The following HOOK1 variants were observed in gnomAD, a reference collection of about 807,000 sequenced individuals.
The protein encoded by HOOK1 is hook microtubule tethering protein 1.
A neutral mutation model predicts 112.8 loss-of-function variants in HOOK1; 60 were observed. That is an observed-to-expected ratio of 0.53 (90% CI 0.43 to 0.66). The LOEUF (loss-of-function observed/expected upper bound fraction) is 0.66, where lower values mean the gene tolerates loss of function less well. Ranked by LOEUF, HOOK1 falls within the 30% of genes least tolerant of loss-of-function variation. The pLI is 0.00. For synonymous variants in HOOK1, 294 were observed against 283.8 expected, an observed-to-expected ratio of 1.04 and a Z score of -0.36; for missense variants, 770 against 856.0, an observed-to-expected ratio of 0.90 and a Z score of 1.25.
chr1:59,848,498 A>G lies in HOOK1; in HGVS notation c.1113A>G (p.Leu371=), dbSNP rs780231706. ...LKKANAARTQ[L]ETYKRQVQDL... is the part of the protein sequence containing the mutation. ...AAGCAAATGCAGCACGTACACAATT[A>G]GAAACATACAAAAGGCAGGTAAGAA... Residue 371 remains leucine, a synonymous_variant, in exon 11 of 22, where the codon TTA becomes TTG. Coordinates refer to ENST00000371208, the MANE Select transcript of HOOK1 (RefSeq NM_015888.6). 1 of 1,607,806 alleles carries G rather than the reference A, an allele frequency of 6.2e-7. No homozygotes were observed. The highest frequency in any genetic ancestry group is 1.1e-5 in the South Asian group (1 of 90,372).
intron 1 of HOOK1, 43 bp from the exon 2 acceptor site, chr1:59,821,815 G>A: frequency 7.6e-6 from 10 of 1,312,714 alleles, no homozygotes; most frequent in Non-Finnish European, 1.0e-5. Context: ...CTACCTTGTA[G>A]GTATAAAGAA....
chr1:59,816,641 T>G (rs1285618816), intron 1 of HOOK1, among the ~76,000 whole-genome samples: 40 of 152,228 alleles, frequency 2.6e-4, no homozygotes, highest in Admixed American at 2.6e-3. Flanking sequence ...TAACCAGAAT[T>G]TATTGACTTC....
intron 2 of HOOK1, among the ~76,000 whole-genome samples, chr1:59,823,606 T>G (rs189150352): frequency 1.3e-5 from 2 of 152,338 alleles, no homozygotes; most frequent in East Asian, 3.9e-4. Flanking sequence ...TCTATATGTT[T>G]TGGTGGGCTT....
chr1:59,854,077 A>C, intron 12 of HOOK1, among the ~76,000 whole-genome samples: 1 of 67,858 alleles, frequency 1.5e-5, no homozygotes, highest in South Asian at 5.7e-4. Context: ...TTTGAGACGG[A>C]GTCTCCCTCT....
At chr1:59,824,620 C>G (rs771813796) in intron 2 of HOOK1, among the ~76,000 whole-genome samples, 2 of 152,180 alleles carry the variant, frequency 1.3e-5, no homozygotes, top group Non-Finnish European at 2.9e-5. Context: ...AAGGAAGCAG[C>G]AAAATTTAAC....
chr1:59,862,941 T>C (rs2235798), intron 16 of HOOK1, 64 bp downstream of exon 16: 84,314 of 876,980 alleles, frequency 0.096, 6,167 homozygotes, highest in African/African-American at 0.34. Context: ...GATCATGATG[T>C]CCAAATTAAT....
chr1:59,842,020 A>T (rs992313568), intron 8 of HOOK1, among the ~76,000 whole-genome samples: 2 of 152,084 alleles, frequency 1.3e-5, no homozygotes, highest in African/African-American at 4.8e-5. Context: ...TGTGCCAGAG[A>T]TGGCTCTGGA....
At position 59,862,878 on chromosome 1, in the gene HOOK1, GT is replaced by G; in HGVS notation, c.1626+2del. 6.5e-7 allele frequency: 1 copy of G among 1,544,604 alleles called. No homozygotes were observed. Among genetic ancestry groups the G allele is most frequent in the South Asian group, 1.1e-5 (1 of 89,648 alleles). ...AGGTTCCAAGTCTGAAGGCGAAAGT[GT>G]AAGTAACTTAGAAATTATAATAATT... On this transcript the variant is annotated splice_donor_variant, in intron 16 of 21. Coordinates refer to ENST00000371208, the MANE Select transcript of HOOK1 (RefSeq NM_015888.6). LOFTEE classifies it high-confidence loss of function.
intron 19 of HOOK1, among the ~76,000 whole-genome samples, chr1:59,867,365 G>A (rs940334124): frequency 6.6e-6 from 1 of 152,092 alleles, no homozygotes; most frequent in Non-Finnish European, 1.5e-5. Flanking sequence ...ATCCTCATCT[G>A]CCAGTATCTA....
Position 59,862,876 on chromosome 1 carries a change from G to C in HOOK1, c.1625G>C (p.Ser542Thr), listed in dbSNP as rs749779316. Residue 542 changes from serine to threonine, a missense_variant and splice_region_variant, in exon 16 of 22, where the codon AGT (serine) becomes ACT (threonine). By Grantham distance (58) the Ser-to-Thr change is moderately conservative. Transcript: ENST00000371208. ...QEQGSKSEGE[S>T]SSKLKQKLEA... ...CAAGGTTCCAAGTCTGAAGGCGAAA[G>C]TGTAAGTAACTTAGAAATTATAATA... 19 of 1,559,948 alleles carry C rather than the reference G, an allele frequency of 1.2e-5. No individual in the cohort carries two copies. Among genetic ancestry groups the C allele is most frequent in the Non-Finnish European group, 1.7e-5 (19 of 1,130,916 alleles).
At chr1:59,823,632 A>G (rs946287187) in intron 2 of HOOK1, among the ~76,000 whole-genome samples, 2 of 152,226 alleles carry the variant, frequency 1.3e-5, no homozygotes, top group African/African-American at 4.8e-5. Flanking sequence ...GCTTTATGCC[A>G]GAATACAATC....
intron 1 of HOOK1, among the ~76,000 whole-genome samples, chr1:59,816,804 A>G (rs1219124313): frequency 1.3e-5 from 2 of 152,216 alleles, no homozygotes; most frequent in Admixed American, 1.3e-4. Flanking sequence ...CGTTTTCTTC[A>G]GTCCTCTCTT....
At chr1:59,861,941 T>C (rs895176043) in intron 15 of HOOK1, among the ~76,000 whole-genome samples, 3 of 152,206 alleles carry the variant, frequency 2.0e-5, no homozygotes, top group African/African-American at 7.2e-5. Flanking sequence ...TACTATTTTA[T>C]TCAGTTCAAT....
In HOOK1 at chr1:59,835,427, G is replaced by C; in HGVS notation, c.474+15G>C. 2 of 1,439,240 alleles carry C rather than the reference G, an allele frequency of 1.4e-6. No homozygotes were observed. The highest frequency in any genetic ancestry group is 1.9e-6 in the Non-Finnish European group (2 of 1,033,988). The allele number at this position is 1,439,240 out of a possible 1,614,324, so 89.2% of individuals were successfully genotyped here. A position where few individuals can be genotyped will look rare whatever the true frequency, so the allele number is the denominator to read the frequency against. On this transcript the variant is annotated intron_variant, in intron 6 of 21. Transcript: ENST00000371208. Reference sequence around the variant, plus strand: ...CTATTCAAGAGGTAAGTTATATCATGTTCCTATGAGTATAAAAATCCTAAA... The same window carrying C: ...CTATTCAAGAGGTAAGTTATATCATCTTCCTATGAGTATAAAAATCCTAAA...
intron 2 of HOOK1, among the ~76,000 whole-genome samples, chr1:59,822,316 GGA>G (rs1399311887): frequency 4.6e-5 from 7 of 152,130 alleles, no homozygotes; most frequent in African/African-American, 1.7e-4. Context: ...ATCCGTGCAT[GGA>G]GATTATTATC....
At position 59,875,209 on chromosome 1, in the gene HOOK1, G is replaced by A. The variant is rs1014694454; in HGVS notation, c.*2244G>A. 6.6e-5 allele frequency: 10 copies of A among 152,406 alleles called. No individual in the cohort carries two copies. The highest frequency in any genetic ancestry group is 1.3e-4 in the Admixed American group (2 of 15,260). 9.4% of individuals were successfully genotyped at this position (152,406 alleles called of 1,614,324 possible). On this transcript the variant is annotated 3_prime_UTR_variant, in exon 22 of 22. Transcript: ENST00000371208. ...GTAAAACATTAACTTTAATAAATTAGTGTTTTCACAGATCAGATCATTATA... is the reference window on the plus strand; with the variant it reads ...GTAAAACATTAACTTTAATAAATTAATGTTTTCACAGATCAGATCATTATA...
At chr1:59,824,017 C>A (rs1402768086) in intron 2 of HOOK1, among the ~76,000 whole-genome samples, 4 of 152,092 alleles carry the variant, frequency 2.6e-5, no homozygotes, top group Admixed American at 1.3e-4. Flanking sequence ...TCCTTATCAT[C>A]CAGGGGCTAC....
chr1:59,819,138 A>ATTTT (rs60936378), intron 1 of HOOK1, among the ~76,000 whole-genome samples: 18 of 76,560 alleles, frequency 2.4e-4, no homozygotes, highest in African/African-American at 6.2e-4. Flanking sequence ...CCCAATAAGC[A>ATTTT]TTTTTTTTTT....
In HOOK1 at chr1:59,821,846, A is replaced by G. The variant is rs1433369511; in HGVS notation, c.64-12A>G. 5.7e-6 allele frequency: 9 copies of G among 1,568,328 alleles called. No individual in the cohort carries two copies. The highest frequency in any genetic ancestry group is 6.9e-6 in the Non-Finnish European group (8 of 1,159,342). On this transcript the variant is annotated splice_polypyrimidine_tract_variant and intron_variant, in intron 1 of 21. Coordinates refer to ENST00000371208, the MANE Select transcript of HOOK1 (RefSeq NM_015888.6). The stretch of plus-strand genomic sequence containing the variant: ...AAGAAGCAGTAAGATCATTTGATTT[A>G]TGTCATTTTAGCTGCAGACATTCAA...
Sources: allele counts gnomAD v4.1 joint callset (sites outside exome capture counted in the v4.1 genomes callset), GRCh38; gene constraint gnomAD v4.1.1; transcripts MANE v1.5; gene names NCBI Gene and HGNC (gene_info 2026-07-23, HGNC 2026-07-21).